UMAD1: variants seen among roughly 807,000 people sequenced by gnomAD.
UMAD1 encodes the protein UBAP1-MVB12-associated (UMA)-domain containing protein 1.
A neutral mutation model predicts 6.1 loss-of-function variants in UMAD1; 8 were observed. The observed-to-expected ratio is 1.30, with a 90% confidence interval of 0.76 to 2.35. The LOEUF (loss-of-function observed/expected upper bound fraction) is 2.35, where lower values mean the gene tolerates loss of function less well. Ranked by LOEUF, UMAD1 falls within the 30% of genes most tolerant of loss-of-function variation. The pLI, the probability that UMAD1 is intolerant of heterozygous loss-of-function variation, is 0.00. For missense variants in UMAD1, 130 were observed against 78.4 expected (o/e 1.66, Z -2.49); for synonymous variants, 56 against 31.4 (o/e 1.78, Z -2.61).
intron 3 of UMAD1, among the ~76,000 whole-genome samples, chr7:7,849,581 C>A (rs369869801): frequency 5.5e-4 from 83 of 152,264 alleles, no homozygotes; most frequent in African/African-American, 1.9e-3. Context: ...GGTCATTCAA[C>A]AGTATTTATT....
At chr7:7,871,783 A>G (rs959917532) in intron 3 of UMAD1, among the ~76,000 whole-genome samples, 1 of 152,076 alleles carries the variant, frequency 6.6e-6, no homozygotes, top group Non-Finnish European at 1.5e-5. Flanking sequence ...TTACTGTACT[A>G]GATATAGTTT....
Position 7,787,378 on chromosome 7 carries a change from G to C in UMAD1, c.83-14292G>C, listed in dbSNP as rs559717783. On this transcript the variant is annotated intron_variant, in intron 2 of 3. Transcript: ENST00000682710. Reference sequence around the variant, plus strand: ...TTTTGAAACAGTACTGTTGTTTTTAGAGGAATTAAAAAATATATTGCAAGT... The same window carrying C: ...TTTTGAAACAGTACTGTTGTTTTTACAGGAATTAAAAAATATATTGCAAGT... Among the ~76,000 whole-genome samples, 182 of 152,220 alleles carry C rather than the reference G, an allele frequency of 1.2e-3. 2 individuals carry two copies. The Middle Eastern group carries it at 0.024, about 20-fold the overall frequency.
chr7:7,698,326 T>A (rs1195102516), intron 2 of UMAD1, among the ~76,000 whole-genome samples: 1 of 152,208 alleles, frequency 6.6e-6, no homozygotes, highest in Non-Finnish European at 1.5e-5. Flanking sequence ...TAGTGCTTTT[T>A]AAAATAAGGT....
chr7:7,785,897 A>G (rs2115258529), intron 2 of UMAD1, among the ~76,000 whole-genome samples: 1 of 152,352 alleles, frequency 6.6e-6, no homozygotes, highest in East Asian at 1.9e-4. Flanking sequence ...AGATGTATCT[A>G]TCAATATATT....
In UMAD1 at chr7:7,698,114, A is replaced by G. The variant is rs114919479; in HGVS notation, c.82+24661A>G. On this transcript the variant is annotated intron_variant, in intron 2 of 3. Transcript: ENST00000682710. The stretch of plus-strand genomic sequence containing the variant: ...ATCAAATACTTACTAAATGCCCATG[A>G]GTTAGACACTGTGCTGACAGGCACT... Among the ~76,000 whole-genome samples, 367 of 152,334 alleles carry G rather than the reference A, an allele frequency of 2.4e-3. 2 individuals carry two copies. Among genetic ancestry groups the G allele is most frequent in the African/African-American group, 8.5e-3 (354 of 41,580 alleles).
intron 3 of UMAD1, among the ~76,000 whole-genome samples, chr7:7,826,985 T>G (rs1246673380): frequency 6.6e-6 from 1 of 152,146 alleles, no homozygotes; most frequent in Non-Finnish European, 1.5e-5. Flanking sequence ...GCAGTTACTT[T>G]AATGAATTAT....
chr7:7,730,606 G>C (rs80116149), intron 2 of UMAD1, among the ~76,000 whole-genome samples: 2,022 of 152,266 alleles, frequency 0.013, 36 homozygotes, highest in African/African-American at 0.037. Flanking sequence ...CTAGGTGTCT[G>C]TCTCACCCTC....
intron 2 of UMAD1, among the ~76,000 whole-genome samples, chr7:7,695,715 T>G (rs1473856344): frequency 4.6e-5 from 7 of 152,198 alleles, no homozygotes; most frequent in Admixed American, 2.6e-4. Flanking sequence ...CTCAACAACT[T>G]GTGTCCTATG....
intron 2 of UMAD1, among the ~76,000 whole-genome samples, chr7:7,739,547 C>A (rs1023404099): frequency 3.9e-5 from 6 of 152,120 alleles, no homozygotes; most frequent in African/African-American, 1.4e-4. Flanking sequence ...GAAGTATTTT[C>A]CAAACTTAAA....
chr7:7,807,346 A>G (rs1210743180), intron 3 of UMAD1, among the ~76,000 whole-genome samples: 1 of 152,156 alleles, frequency 6.6e-6, no homozygotes, highest in East Asian at 1.9e-4. Flanking sequence ...TTCATTAAGA[A>G]CATTTTAGAA....
At chr7:7,775,751 G>C (rs1237443770) in intron 2 of UMAD1, among the ~76,000 whole-genome samples, 7 of 152,174 alleles carry the variant, frequency 4.6e-5, no homozygotes, top group African/African-American at 1.7e-4. Flanking sequence ...TGTTTGTAAA[G>C]GAGGTAAACA....
intron 2 of UMAD1, among the ~76,000 whole-genome samples, chr7:7,706,701 A>G (rs1018225393): frequency 1.3e-5 from 2 of 152,184 alleles, no homozygotes; most frequent in African/African-American, 4.8e-5. Context: ...ATGGGAAAAC[A>G]AAGTGTCGAT....
Position 7,830,867 on chromosome 7 carries a change from G to A in UMAD1, c.156+29124G>A, listed in dbSNP as rs1783450888. 6.6e-6 allele frequency among the ~76,000 whole-genome samples: 1 copy of A among 151,982 alleles called. No homozygotes were observed. Among genetic ancestry groups the A allele is most frequent in the African/African-American group, 2.4e-5 (1 of 41,342 alleles). On this transcript the variant is annotated intron_variant, in intron 3 of 3. Coordinates refer to ENST00000682710, the MANE Select transcript of UMAD1 (RefSeq NM_001302348.2). This position sits in a 1 kb window ranked among gnomAD's most constrained non-coding sequence, Gnocchi z 5.3. ...TATCTTCCCATCTTTTTAAGTATCT[G>A]CATAGAAAAATTTGTTATTAGTTTT...
At chr7:7,714,847 A>AT (rs1419535149) in intron 2 of UMAD1, among the ~76,000 whole-genome samples, 4 of 145,158 alleles carry the variant, frequency 2.8e-5, no homozygotes, top group African/African-American at 7.7e-5. Flanking sequence ...TTGTTCAAAA[A>AT]TTTTTCTTTT....
chr7:7,776,637 A>G (rs781465449), intron 2 of UMAD1, among the ~76,000 whole-genome samples: 4 of 152,226 alleles, frequency 2.6e-5, no homozygotes, highest in Non-Finnish European at 4.4e-5. Context: ...AAAATAATCA[A>G]TCTTTATAAT....
intron 2 of UMAD1, among the ~76,000 whole-genome samples, chr7:7,790,012 G>A (rs976034520): frequency 5.9e-5 from 9 of 152,098 alleles, no homozygotes; most frequent in Admixed American, 3.9e-4. Flanking sequence ...TATTTTTTAC[G>A]TATTAGAATG....
rs1779656184 is a variant in UMAD1 at position 7,673,348 on chromosome 7, GCAGCAGCAGCAGCAGCAGCA to G, written c.-23_-4del. On this transcript the variant is annotated 5_prime_UTR_variant, in exon 2 of 4. Coordinates refer to ENST00000682710, the MANE Select transcript of UMAD1 (RefSeq NM_001302348.2). ...AGCAGCAGCAGCAGCAGCAGCAGCA[GCAGCAGCAGCAGCAGCAGCA>G]GCAATGTTTCACTTCTTCAGAAAGC... is the stretch of plus-strand genomic sequence containing the variant. The G allele has an allele frequency of 2.4e-6, 3 of 1,275,244 alleles. No homozygotes were observed. In the African/African-American group the frequency reaches 4.6e-5, roughly 19 times the overall value. The allele number at this position is 1,275,244 out of a possible 1,614,324, so 79.0% of individuals were successfully genotyped here.
At chr7:7,673,948 G>A (rs1413037318) in intron 2 of UMAD1, among the ~76,000 whole-genome samples, 8 of 152,240 alleles carry the variant, frequency 5.3e-5, no homozygotes, top group South Asian at 4.1e-4. Context: ...AAAGGTTTTA[G>A]TGTCTTTAAA....
intron 2 of UMAD1, among the ~76,000 whole-genome samples, chr7:7,707,917 C>T (rs1212548644): frequency 6.6e-6 from 1 of 152,102 alleles, no homozygotes; most frequent in Non-Finnish European, 1.5e-5. Context: ...GCCTTGTTGC[C>T]CAGACAGTGA....
Sources: gnomAD v4.1 joint callset for allele counts (sites outside exome capture counted in the v4.1 genomes callset) on GRCh38, gnomAD v4.1.1 for gene constraint, Gnocchi (gnomAD v3.1) non-coding constraint, MANE v1.5 for transcripts, NCBI Gene and HGNC (gene_info 2026-07-23, HGNC 2026-07-21) for gene names.